Variants in PGM2L1 observed in about 807,000 individuals in gnomAD.
PGM2L1 encodes glucose 1,6-bisphosphate synthase.
A neutral mutation model predicts 73.4 loss-of-function variants in PGM2L1; 35 were observed. The ratio of observed to expected loss-of-function variants is 0.48; its 90% CI spans 0.36 to 0.63. The LOEUF is 0.63. Ranked by LOEUF, PGM2L1 falls within the 30% of genes least tolerant of loss-of-function variation. The pLI is 0.00. For missense variants in PGM2L1, 570 were observed against 742.0 expected, an observed-to-expected ratio of 0.77 and a Z score of 2.69; for synonymous variants, 225 against 253.8, an observed-to-expected ratio of 0.89 and a Z score of 1.08.
In PGM2L1 at chr11:74,345,520, G is replaced by A. The variant is rs371414257; in HGVS notation, c.1167C>T (p.Val389=). 4 of 1,613,160 alleles carry A rather than the reference G, an allele frequency of 2.5e-6. No homozygotes were observed. The highest frequency in any genetic ancestry group is 3.4e-6 in the Non-Finnish European group (4 of 1,179,426). Residue 389 remains valine, a synonymous_variant, in exon 9 of 14, where the codon GTC becomes GTT. Coordinates refer to ENST00000298198, the MANE Select transcript of PGM2L1 (RefSeq NM_173582.6). ...CAATTGCCTTCAGAATTTTAGAAGA[G>A]ACTGTGGTGGCTAACATATAAACGT... ...VKNVYMLATT[V]SSKILKAIAL...
At chr11:74,377,290 C>T (rs1014026596) in intron 1 of PGM2L1, among the ~76,000 whole-genome samples, 3 of 151,988 alleles carry the variant, frequency 2.0e-5, no homozygotes, top group African/African-American at 4.8e-5. Context: ...CCCGCCACCA[C>T]GCCCAGCTAA....
intron 5 of PGM2L1, among the ~76,000 whole-genome samples, chr11:74,364,417 G>T (rs1424132293): frequency 2.6e-5 from 4 of 152,202 alleles, no homozygotes; most frequent in Non-Finnish European, 5.9e-5. Context: ...AAAAGAAGAA[G>T]TCAAATTGTC....
rs1264654699 is a variant in PGM2L1, at chr11:74,334,758, C to G, written c.*1894G>C. On this transcript the variant is annotated 3_prime_UTR_variant, in exon 14 of 14. Coordinates refer to ENST00000298198, the MANE Select transcript of PGM2L1 (RefSeq NM_173582.6). ...TATTATTTTATATGAAATAAATTCT[C>G]TAATTACAGTGCTATCTCCCATAAG... 1 of 152,142 alleles carries G rather than the reference C, an allele frequency of 6.6e-6. No homozygotes were observed. The highest frequency in any genetic ancestry group is 2.4e-5 in the African/African-American group (1 of 41,436). 9.4% of individuals were successfully genotyped at this position (152,142 alleles called of 1,614,324 possible).
At chr11:74,380,265 C>T (rs1393083812) in intron 1 of PGM2L1, among the ~76,000 whole-genome samples, 3 of 152,088 alleles carry the variant, frequency 2.0e-5, no homozygotes, top group African/African-American at 7.2e-5. Flanking sequence ...GAGGGTAAGC[C>T]GATTTGAAGA....
At chr11:74,353,704 A>T (rs914118762) in intron 5 of PGM2L1, among the ~76,000 whole-genome samples, 1 of 114,170 alleles carries the variant, frequency 8.8e-6, no homozygotes, top group Admixed American at 9.7e-5. Context: ...TTCTTAGTAC[A>T]GAACAAAATG....
intron 1 of PGM2L1, among the ~76,000 whole-genome samples, chr11:74,379,605 T>C (rs1326774484): frequency 6.6e-6 from 1 of 152,106 alleles, no homozygotes; most frequent in Non-Finnish European, 1.5e-5. Flanking sequence ...GGAACAGATC[T>C]AAAAGAACAT....
At chr11:74,355,833 G>A in intron 5 of PGM2L1, 1 of 442,116 alleles carries the variant, frequency 2.3e-6, no homozygotes, top group South Asian at 1.6e-5. Flanking sequence ...TGGTGGCAGG[G>A]CCTAGCTGCG....
chr11:74,354,583 G>C (rs1357825557), intron 5 of PGM2L1: 28 of 1,117,836 alleles, frequency 2.5e-5, no homozygotes, highest in Non-Finnish European at 3.5e-5. Context: ...GGTAATGAAA[G>C]ACCCAAACAC....
chr11:74,362,672 A>G (rs906422240), intron 5 of PGM2L1, among the ~76,000 whole-genome samples: 1 of 152,178 alleles, frequency 6.6e-6, no homozygotes, highest in Non-Finnish European at 1.5e-5. Context: ...ATACACACAT[A>G]GGCTCAAAAT....
chr11:74,365,317 T>C (rs1316315855), intron 5 of PGM2L1, among the ~76,000 whole-genome samples: 3 of 152,034 alleles, frequency 2.0e-5, no homozygotes, highest in Non-Finnish European at 4.4e-5. Context: ...AAGGACTTCA[T>C]GTCTAAAACA....
At chr11:74,368,108 C>A (rs57746419) in intron 5 of PGM2L1, among the ~76,000 whole-genome samples, 6,032 of 152,140 alleles carry the variant, frequency 0.04, 380 homozygotes, top group African/African-American at 0.14. Context: ...GAAGCAGCTC[C>A]GGCAGAAAGT....
intron 6 of PGM2L1, among the ~76,000 whole-genome samples, chr11:74,350,518 C>T (rs542409191): frequency 3.4e-4 from 52 of 152,252 alleles, no homozygotes; most frequent in Non-Finnish European, 3.8e-4. Flanking sequence ...CAATGGCTTT[C>T]GCTATATTCA....
At chr11:74,379,343 T>A (rs1862904981) in intron 1 of PGM2L1, among the ~76,000 whole-genome samples, 1 of 152,018 alleles carries the variant, frequency 6.6e-6, no homozygotes, top group African/African-American at 2.4e-5. Flanking sequence ...GGGAACCACC[T>A]CCATGACCCA....
chr11:74,377,151 T>G (rs1862866903), intron 1 of PGM2L1, among the ~76,000 whole-genome samples: 1 of 151,596 alleles, frequency 6.6e-6, no homozygotes, highest in South Asian at 2.1e-4. Flanking sequence ...TTTTTTTTTT[T>G]TGAGACGGAG....
chr11:74,396,854 G>A (rs931410448), intron 1 of PGM2L1, among the ~76,000 whole-genome samples: 1 of 152,170 alleles, frequency 6.6e-6, no homozygotes, highest in Non-Finnish European at 1.5e-5. Flanking sequence ...AGAATTATTC[G>A]TCCAATATAC....
intron 1 of PGM2L1, among the ~76,000 whole-genome samples, chr11:74,381,905 C>T (rs752050044): frequency 1.3e-5 from 2 of 151,716 alleles, no homozygotes; most frequent in African/African-American, 4.8e-5. Flanking sequence ...ATTGCTTCCC[C>T]CCCACCCCCA....
rs1317283292 is a variant in PGM2L1 at position 74,336,627 on chromosome 11, A to G, written c.*25T>C. On this transcript the variant is annotated 3_prime_UTR_variant, in exon 14 of 14. Transcript: ENST00000298198. Reference sequence around the variant, plus strand: ...GTTGCTCTGTTCCATATGCCCACACAGTGTCATGACATATTGGTGTACCCC... The same window carrying G: ...GTTGCTCTGTTCCATATGCCCACACGGTGTCATGACATATTGGTGTACCCC... 2 of 1,489,778 alleles carry G rather than the reference A, an allele frequency of 1.3e-6. No individual in the cohort carries two copies. The highest frequency in any genetic ancestry group is 1.8e-6 in the Non-Finnish European group (2 of 1,081,790). The allele number at this position is 1,489,778 out of a possible 1,614,324, so 92.3% of individuals were successfully genotyped here.
intron 6 of PGM2L1, 32 bp downstream of exon 6, chr11:74,351,351 A>C: frequency 6.5e-7 from 1 of 1,549,070 alleles, no homozygotes; most frequent in South Asian, 1.2e-5. Context: ...GTTATTCTGA[A>C]GTAGTATTAT....
At chr11:74,391,827 CTGGT>C (rs1863106211) in intron 1 of PGM2L1, among the ~76,000 whole-genome samples, 1 of 143,434 alleles carries the variant, frequency 7.0e-6, no homozygotes, top group Non-Finnish European at 1.5e-5. Flanking sequence ...CTTATATAAG[CTGGT>C]ATGGGTTTTC....
Sources: gnomAD v4.1 joint callset for allele counts (sites outside exome capture counted in the v4.1 genomes callset) on GRCh38, gnomAD v4.1.1 for gene constraint, MANE v1.5 for transcripts, NCBI Gene and HGNC (gene_info 2026-07-23, HGNC 2026-07-21) for gene names.